The following PPL variants were observed in gnomAD, a reference collection of about 807,000 sequenced individuals.
PPL encodes 190 kDa paraneoplastic pemphigus antigen.
Under a neutral mutation model 194.4 loss-of-function variants are expected in PPL, and 198 were observed. The observed-to-expected ratio is 1.02, with a 90% CI of 0.91 to 1.15. PPL has a LOEUF of 1.15. PPL is among the 50% of genes most tolerant of loss of function. The probability of loss-of-function intolerance (pLI) is 0.00; values close to 1 mark genes in which losing one functional copy is unlikely to be tolerated. For synonymous variants in PPL, 1,220 were observed against 972.4 expected, an observed-to-expected ratio of 1.25 and a Z score of -4.74; for missense variants, 2,885 against 2,294.8, an observed-to-expected ratio of 1.26 and a Z score of -5.25.
intron 8 of PPL, 114 bp from the exon 9 acceptor site, chr16:4,897,884 G>T: frequency 1.3e-6 from 1 of 796,190 alleles, no homozygotes. Context: ...TCTGGCATCT[G>T]TCTGGGTGTG....
intron 1 of PPL, among the ~76,000 whole-genome samples, chr16:4,929,549 G>A (rs531164009): frequency 6.6e-6 from 1 of 152,110 alleles, no homozygotes; most frequent in Non-Finnish European, 1.5e-5. Context: ...CACCACCACG[G>A]TTTGGTTGAT....
intron 1 of PPL, among the ~76,000 whole-genome samples, chr16:4,920,331 G>GAAAT (rs199930866): frequency 1.5e-5 from 1 of 65,594 alleles, no homozygotes; most frequent in Non-Finnish European, 4.9e-5. Flanking sequence ...AAGAAAGAAA[G>GAAAT]AAAGAGAGAG....
rs758662464 is a variant in PPL, at chr16:4,902,538, G to C, written c.318-12C>G. ...TCAGCTGGCGGATACTGATGGGAGA[G>C]AGGCTCCCACTTAGTGGGGCTGGTT... On this transcript the variant is annotated splice_polypyrimidine_tract_variant and intron_variant, in intron 3 of 21. Coordinates refer to ENST00000345988, the MANE Select transcript of PPL (RefSeq NM_002705.5). The surrounding 1 kb of genome is among the most constrained non-coding windows in gnomAD (Gnocchi z 4.0). 11 of 1,611,916 alleles carry C rather than the reference G, an allele frequency of 6.8e-6. No individual in the cohort carries two copies. Among genetic ancestry groups the C allele is most frequent in the Non-Finnish European group, 7.6e-6 (9 of 1,178,910 alleles).
At chr16:4,893,181 C>G in intron 14 of PPL, 32 bp downstream of exon 14, 1 of 1,504,022 alleles carries the variant, frequency 6.6e-7, no homozygotes, top group Non-Finnish European at 8.9e-7. Flanking sequence ...AGGGCTCCCC[C>G]GGCCCCACCT....
chr16:4,914,807 A>C (rs1028960558), intron 1 of PPL, among the ~76,000 whole-genome samples: 3 of 152,058 alleles, frequency 2.0e-5, no homozygotes, highest in Admixed American at 2.0e-4. Context: ...AGAAGGGATA[A>C]GGTGGGCTTC....
rs543962804 is a variant in PPL, at chr16:4,922,052, T to C, written c.63-11103A>G. 2.0e-5 allele frequency among the ~76,000 whole-genome samples: 3 copies of C among 152,240 alleles called. No individual in the cohort carries two copies. The East Asian group carries it at 5.8e-4, about 30-fold the overall frequency. ...ACCTCCTGGGTCTCTCTTCCTGCTT[T>C]AATTTTGTGCGGGTGCCACTGGCAC... On this transcript the variant is annotated intron_variant, in intron 1 of 21. Coordinates refer to ENST00000345988, the MANE Select transcript of PPL (RefSeq NM_002705.5).
chr16:4,888,815 G>T (rs1481573949), intron 19 of PPL, 163 bp downstream of exon 19: 2 of 699,582 alleles, frequency 2.9e-6, no homozygotes, highest in Non-Finnish European at 5.2e-6. Context: ...GTACCATGCT[G>T]TTTTCCCAAA....
rs370259967 is a variant in PPL, at chr16:4,890,780, C to T, written c.2110G>A (p.Val704Met). The change falls in exon 17 of 22, where the codon GTG (valine) becomes ATG (methionine). Residue 704 changes from valine to methionine, a missense_variant. Coordinates refer to ENST00000345988, the MANE Select transcript of PPL (RefSeq NM_002705.5). ...CPDLERQEAE[V>M]HKLGQRFNNL... is the part of the protein sequence containing the mutation. ...TTGAAACGCTGGCCCAGCTTGTGCA[C>T]CTCGGCCTCCTGGCGCTCCAGGTCC... 7 of 1,608,650 alleles carry T rather than the reference C, an allele frequency of 4.4e-6. No individual in the cohort carries two copies. Among genetic ancestry groups the T allele is most frequent in the Non-Finnish European group, 5.9e-6 (7 of 1,178,026 alleles).
Position 4,883,619 on chromosome 16 carries a change from A to T in PPL, c.5036T>A (p.Leu1679His). Residue 1679 changes from leucine to histidine, a missense_variant, in exon 22 of 22, where the codon CTC (leucine) becomes CAC (histidine). Coordinates refer to ENST00000345988, the MANE Select transcript of PPL (RefSeq NM_002705.5). The surrounding 1 kb of genome is among the most constrained non-coding windows in gnomAD (Gnocchi z 4.8). ...TTTCACGAACATGTTCCAGTCAATG[A>T]GCCCGGCACGGTGGGCTTCCTCCGG... ...LSPEEAHRAGLIDWNMFVKLR... is the reference protein window; with the variant it reads ...LSPEEAHRAGHIDWNMFVKLR... 1 of 1,614,122 alleles carries T rather than the reference A, an allele frequency of 6.2e-7. No individual in the cohort carries two copies. Among genetic ancestry groups the T allele is most frequent in the East Asian group, 2.2e-5 (1 of 44,876 alleles).
At position 4,893,599 on chromosome 16, in the gene PPL, A is replaced by G; in HGVS notation, c.1434T>C (p.Ala478=). Reference sequence around the variant, plus strand: ...GCTGCTGCAGCGTGCGTTTGCTCCCAGCTGCCTTCTGCCGCACGCTCCGGT... The same window carrying G: ...GCTGCTGCAGCGTGCGTTTGCTCCCGGCTGCCTTCTGCCGCACGCTCCGGT... ...SQYRSVRQKA[A]GSKRTLQQRY... Residue 478 remains alanine, a synonymous_variant, in exon 13 of 22, where the codon GCT becomes GCC. Transcript: ENST00000345988. 1.2e-6 allele frequency: 2 copies of G among 1,610,006 alleles called. No homozygotes were observed. Among genetic ancestry groups the G allele is most frequent in the Non-Finnish European group, 1.7e-6 (2 of 1,179,316 alleles).
chr16:4,907,289 G>C (rs1470617124), intron 2 of PPL, among the ~76,000 whole-genome samples: 1 of 147,538 alleles, frequency 6.8e-6, no homozygotes, highest in Non-Finnish European at 1.5e-5. Context: ...AAAAATTATA[G>C]GGACTGATAT....
chr16:4,906,988 TA>T (rs2088699967), intron 2 of PPL, among the ~76,000 whole-genome samples: 1 of 146,796 alleles, frequency 6.8e-6, no homozygotes, highest in Admixed American at 7.1e-5. Context: ...CTCACGCCTA[TA>T]ATCCCAGCAC....
rs187682778 is a variant in PPL at position 4,923,153 on chromosome 16, C to T, written c.63-12204G>A. The stretch of plus-strand genomic sequence containing the variant: ...GAAGGGGAGGGTGGGGAGGACCTGT[C>T]TACCCGGTTATGCCAACAGATCCCT... On this transcript the variant is annotated intron_variant, in intron 1 of 21. Coordinates refer to ENST00000345988, the MANE Select transcript of PPL (RefSeq NM_002705.5). 6.6e-5 allele frequency among the ~76,000 whole-genome samples: 10 copies of T among 152,314 alleles called. No individual in the cohort carries two copies. The East Asian group carries it at 1.4e-3, about 21-fold the overall frequency.
Position 4,883,140 on chromosome 16 carries a change from C to T in PPL, c.*244G>A, listed in dbSNP as rs949732107. On this transcript the variant is annotated 3_prime_UTR_variant, in exon 22 of 22. Coordinates refer to ENST00000345988, the MANE Select transcript of PPL (RefSeq NM_002705.5). This position sits in a 1 kb window ranked among gnomAD's most constrained non-coding sequence, Gnocchi z 4.8. The stretch of plus-strand genomic sequence containing the variant: ...CAGGAAAAGGGAGGAAAAGGCATCG[C>T]AGTTGTCCAGTCATTGGAGGATGAA... 5.7e-6 allele frequency: 3 copies of T among 526,976 alleles called. No homozygotes were observed. The highest frequency in any genetic ancestry group is 6.8e-5 in the East Asian group (2 of 29,624). The allele number at this position is 526,976 out of a possible 1,614,324, so 32.6% of individuals were successfully genotyped here.
At chr16:4,921,628 G>A (rs1242292125) in intron 1 of PPL, among the ~76,000 whole-genome samples, 1 of 152,016 alleles carries the variant, frequency 6.6e-6, no homozygotes, top group African/African-American at 2.4e-5. Flanking sequence ...CACCACGCCC[G>A]GCTAATGTTT....
At chr16:4,917,305 GTCTATC>G (rs902348829) in intron 1 of PPL, among the ~76,000 whole-genome samples, 27 of 152,232 alleles carry the variant, frequency 1.8e-4, no homozygotes, top group African/African-American at 6.3e-4. Context: ...ACCAAACGTG[GTCTATC>G]TCTATTATTC....
chr16:4,893,119 C>T, intron 14 of PPL, 94 bp downstream of exon 14: 1 of 1,396,608 alleles, frequency 7.2e-7, no homozygotes, highest in Middle Eastern at 2.6e-4. Flanking sequence ...AGTGAATATC[C>T]CAAGACTCCA....
chr16:4,890,393 C>CG, intron 17 of PPL, 59 bp from the exon 18 acceptor site: 1 of 1,489,752 alleles, frequency 6.7e-7, no homozygotes, highest in Non-Finnish European at 8.9e-7. Flanking sequence ...ACCGAGCCCT[C>CG]ATTTTTTTTT....
In PPL at chr16:4,902,847, G is replaced by A. The variant is rs562510000; in HGVS notation, c.318-321C>T. On this transcript the variant is annotated intron_variant, in intron 3 of 21. Coordinates refer to ENST00000345988, the MANE Select transcript of PPL (RefSeq NM_002705.5). The surrounding 1 kb of genome is among the most constrained non-coding windows in gnomAD (Gnocchi z 4.0). The stretch of plus-strand genomic sequence containing the variant: ...TGGGATTACAGGCATGTGCCACCTC[G>A]CCTGGGTAATTTTGTATTTTCAGTA... Among the ~76,000 whole-genome samples, 1 of 152,202 alleles carries A rather than the reference G, an allele frequency of 6.6e-6. No individual in the cohort carries two copies. Among genetic ancestry groups the A allele is most frequent in the Non-Finnish European group, 1.5e-5 (1 of 68,006 alleles).
Sources: gnomAD v4.1 joint callset for allele counts (sites outside exome capture counted in the v4.1 genomes callset) on GRCh38, gnomAD v4.1.1 for gene constraint, Gnocchi (gnomAD v3.1) non-coding constraint, MANE v1.5 for transcripts, NCBI Gene and HGNC (gene_info 2026-07-23, HGNC 2026-07-21) for gene names.